ADCY5: variants seen among roughly 807,000 people sequenced by gnomAD.
The protein encoded by ADCY5 is adenylate cyclase type 5.
ADCY5 carries 30 observed loss-of-function variants against 119.7 expected under a neutral mutation model. The ratio of observed to expected loss-of-function variants is 0.25; its 90% CI spans 0.19 to 0.34. The LOEUF (loss-of-function observed/expected upper bound fraction) is 0.34, where lower values mean the gene tolerates loss of function less well. ADCY5 is among the 10% of genes least tolerant of loss of function. The pLI, the probability that ADCY5 is intolerant of heterozygous loss-of-function variation, is 1.00. For synonymous variants in ADCY5, 753 were observed against 762.2 expected, an observed-to-expected ratio of 0.99 and a Z score of 0.20; for missense variants, 1,324 against 1,775.2, an observed-to-expected ratio of 0.75 and a Z score of 4.57.
At chr3:123,335,495 A>G (rs1455074943) in intron 3 of ADCY5, among the ~76,000 whole-genome samples, 4 of 152,208 alleles carry the variant, frequency 2.6e-5, no homozygotes, top group Non-Finnish European at 4.4e-5. Flanking sequence ...CCAAGGCCAC[A>G]CAGGCACTGG....
At chr3:123,366,179 G>C (rs575845296) in intron 1 of ADCY5, among the ~76,000 whole-genome samples, 1 of 152,306 alleles carries the variant, frequency 6.6e-6, no homozygotes, top group East Asian at 1.9e-4. Flanking sequence ...TGGCCCACTG[G>C]AATAGCTGGA....
chr3:123,387,511 A>G (rs549976869), intron 1 of ADCY5, among the ~76,000 whole-genome samples: 1 of 152,324 alleles, frequency 6.6e-6, no homozygotes, highest in South Asian at 2.1e-4. Context: ...CAGAGTGCAA[A>G]GTAGGTGACA....
chr3:123,311,227 T>C (rs1177954987), intron 12 of ADCY5, among the ~76,000 whole-genome samples: 1 of 152,220 alleles, frequency 6.6e-6, no homozygotes. Flanking sequence ...AGTTTCTGCG[T>C]TCTGGTAAAA....
At chr3:123,431,395 T>C (rs531925869) in intron 1 of ADCY5, among the ~76,000 whole-genome samples, 1 of 152,086 alleles carries the variant, frequency 6.6e-6, no homozygotes, top group South Asian at 2.1e-4. Flanking sequence ...TGATTGTGCC[T>C]GTGAATAGCC....
intron 8 of ADCY5, among the ~76,000 whole-genome samples, chr3:123,322,941 T>C (rs1371617065): frequency 6.6e-6 from 1 of 152,186 alleles, no homozygotes; most frequent in African/African-American, 2.4e-5. Context: ...CTCATAAAAC[T>C]CATCCAGCGT....
chr3:123,330,786 CACT>C, intron 5 of ADCY5, 100 bp downstream of exon 5: 2 of 1,429,952 alleles, frequency 1.4e-6, no homozygotes, highest in Non-Finnish European at 1.9e-6. Flanking sequence ...AGTTTCACCC[CACT>C]GTTTCCCTGC....
At chr3:123,429,402 C>T (rs982620248) in intron 1 of ADCY5, among the ~76,000 whole-genome samples, 29 of 152,082 alleles carry the variant, frequency 1.9e-4, no homozygotes, top group Admixed American at 1.8e-3. Flanking sequence ...AAAGGAGGAT[C>T]CCCCCAACCC....
chr3:123,289,633 G>T (rs1221300560), intron 19 of ADCY5, 117 bp downstream of exon 19: 21 of 1,240,618 alleles, frequency 1.7e-5, no homozygotes, highest in Non-Finnish European at 2.3e-5. Flanking sequence ...CTCTGCTGCC[G>T]CCTGGCCTTC....
intron 17 of ADCY5, among the ~76,000 whole-genome samples, chr3:123,291,635 G>A (rs551683874): frequency 3.9e-5 from 6 of 152,238 alleles, no homozygotes; most frequent in Non-Finnish European, 7.4e-5. Flanking sequence ...CTCTCTGGGG[G>A]TGCTGAGCCT....
At chr3:123,387,662 C>T (rs865838408) in intron 1 of ADCY5, among the ~76,000 whole-genome samples, 1 of 152,218 alleles carries the variant, frequency 6.6e-6, no homozygotes, top group African/African-American at 2.4e-5. Context: ...TAGTAACCCC[C>T]CTTAAAAAGG....
chr3:123,318,215 GGTCA>G, intron 10 of ADCY5, 98 bp from the exon 11 acceptor site: 2 of 880,540 alleles, frequency 2.3e-6, no homozygotes, highest in Non-Finnish European at 3.6e-6. Context: ...ACTCATGGCT[GGTCA>G]CCTGTGCAGC....
At position 123,423,417 on chromosome 3, in the gene ADCY5, T is replaced by C. The variant is rs181240308; in HGVS notation, c.1134+23995A>G. On this transcript the variant is annotated intron_variant, in intron 1 of 20. Coordinates refer to ENST00000462833, the MANE Select transcript of ADCY5 (RefSeq NM_183357.3). ...TTTCCCGCATCCCCAGCTACAGCCTTGAGGCCTCCACATCCCACAGCCTCC... is the reference window on the plus strand; with the variant it reads ...TTTCCCGCATCCCCAGCTACAGCCTCGAGGCCTCCACATCCCACAGCCTCC... 1.8e-3 allele frequency among the ~76,000 whole-genome samples: 268 copies of C among 152,334 alleles called. 1 individual carries two copies. The highest frequency in any genetic ancestry group is 3.1e-3 in the Non-Finnish European group (208 of 68,032).
rs535786316 is a variant in ADCY5 at position 123,353,830 on chromosome 3, C to T, written c.1135-1249G>A. 3.9e-5 allele frequency among the ~76,000 whole-genome samples: 6 copies of T among 152,308 alleles called. No individual in the cohort carries two copies. In the East Asian group the frequency reaches 7.7e-4, roughly 20 times the overall value. ...GAAGGCTTTGCCCACCACAGCTTTG[C>T]GATGGTCCTGCTCTTGCTCCTTGCT... On this transcript the variant is annotated intron_variant, in intron 1 of 20. Transcript: ENST00000462833.
In ADCY5 at chr3:123,303,224, G is replaced by A. The variant is rs768146521; in HGVS notation, c.2560-5C>T. 1.1e-5 allele frequency: 18 copies of A among 1,611,436 alleles called. No individual in the cohort carries two copies. The South Asian group carries it at 1.9e-4, about 17-fold the overall frequency. ...GTCCCTGGAGTTGCACGTGAACTGG[G>A]GGGAGGAAGGAGGGTGATGAGGGGA... On this transcript the variant is annotated splice_region_variant and splice_polypyrimidine_tract_variant and intron_variant, in intron 13 of 20. Coordinates refer to ENST00000462833, the MANE Select transcript of ADCY5 (RefSeq NM_183357.3).
chr3:123,298,830 C>CTTTTTTTTTTTTTTTTTTTTTT (rs35856404), intron 15 of ADCY5, among the ~76,000 whole-genome samples: 2 of 102,532 alleles, frequency 2.0e-5, no homozygotes, highest in Non-Finnish European at 3.7e-5. Context: ...AAAACTGTCA[C>CTTTTTTTTTTTTTTTTTTTTTT]TTTTTTTTTT....
Position 123,332,255 on chromosome 3 carries a change from G to T in ADCY5, c.1518+309C>A, listed in dbSNP as rs1941798255. ...AACAGCTTATTCCCCTGGGGTTTGG[G>T]CAGTGTGACCGGCAGGCCTCACCAC... On this transcript the variant is annotated intron_variant, in intron 4 of 20. Coordinates refer to ENST00000462833, the MANE Select transcript of ADCY5 (RefSeq NM_183357.3). Among the ~76,000 whole-genome samples, 3 of 152,216 alleles carry T rather than the reference G, an allele frequency of 2.0e-5. No individual in the cohort carries two copies. The South Asian group carries it at 6.2e-4, about 32-fold the overall frequency.
At chr3:123,354,375 G>A (rs527671408) in intron 1 of ADCY5, among the ~76,000 whole-genome samples, 6 of 152,308 alleles carry the variant, frequency 3.9e-5, no homozygotes, top group South Asian at 4.1e-4. Context: ...AAAGACCTGC[G>A]TGTGGCTGGG....
chr3:123,439,076 C>CTTTTTTTTTTTTTTTTTT (rs57503913), intron 1 of ADCY5, among the ~76,000 whole-genome samples: 22,480 of 64,594 alleles, frequency 0.35, 8,732 homozygotes, highest in African/African-American at 0.39. Context: ...CCCTAAAGTG[C>CTTTTTTTTTTTTTTTTTT]TTTTTTTTTT....
At chr3:123,324,739 C>G (rs947688159) in intron 8 of ADCY5, among the ~76,000 whole-genome samples, 1 of 152,326 alleles carries the variant, frequency 6.6e-6, no homozygotes, top group South Asian at 2.1e-4. Flanking sequence ...AGCTGACACC[C>G]GACCATGGCC....
Sources: allele counts gnomAD v4.1 joint callset (sites outside exome capture counted in the v4.1 genomes callset), GRCh38; gene constraint gnomAD v4.1.1; transcripts MANE v1.5; gene names NCBI Gene and HGNC (gene_info 2026-07-23, HGNC 2026-07-21).